PPP1R42: variants seen among roughly 807,000 people sequenced by gnomAD.
PPP1R42 encodes the protein protein phosphatase 1 regulatory subunit 42, also known as leucine rich repeat containing 67.
PPP1R42 carries 34 observed loss-of-function variants against 31.0 expected under a neutral mutation model. That is an observed-to-expected ratio of 1.10 (90% CI 0.83 to 1.46). PPP1R42 has a LOEUF of 1.46. PPP1R42 is among the 40% of genes most tolerant of loss of function. The probability of loss-of-function intolerance (pLI) is 0.00; values close to 1 mark genes in which losing one functional copy is unlikely to be tolerated. For missense variants in PPP1R42, 268 were observed against 303.0 expected (o/e 0.88, Z 0.86); for synonymous variants, 103 against 109.8 (o/e 0.94, Z 0.39).
At chr8:66,990,841 C>T (rs2130934912) in intron 5 of PPP1R42, among the ~76,000 whole-genome samples, 1 of 152,252 alleles carries the variant, frequency 6.6e-6, no homozygotes, top group South Asian at 2.1e-4. Flanking sequence ...TTGTTCCTGA[C>T]TCAACTGTGC....
chr8:66,984,186 AG>A, intron 6 of PPP1R42: 1 of 1,580,186 alleles, frequency 6.3e-7, no homozygotes, highest in South Asian at 1.1e-5. Context: ...AGTAATGTTC[AG>A]CCCCATGCTT....
At chr8:66,973,639 C>G (rs1312107223) in intron 7 of PPP1R42, among the ~76,000 whole-genome samples, 1 of 151,584 alleles carries the variant, frequency 6.6e-6, no homozygotes, top group Non-Finnish European at 1.5e-5. Context: ...TTTAAATGTA[C>G]AATACATTAT....
At chr8:67,018,411 C>G (rs1467303226) in intron 1 of PPP1R42, among the ~76,000 whole-genome samples, 2 of 152,058 alleles carry the variant, frequency 1.3e-5, no homozygotes, top group Non-Finnish European at 2.9e-5. Context: ...AGCCACCGCG[C>G]CCGACCTCTT....
intron 7 of PPP1R42, chr8:66,970,738 A>T (rs754014687): frequency 3.0e-5 from 15 of 494,906 alleles, no homozygotes; most frequent in Non-Finnish European, 5.5e-5. Flanking sequence ...ACCTTACCTC[A>T]GTGGGTGTAT....
At chr8:67,003,120 C>T (rs1257290117) in intron 5 of PPP1R42, among the ~76,000 whole-genome samples, 1 of 144,888 alleles carries the variant, frequency 6.9e-6, no homozygotes, top group African/African-American at 2.6e-5. Flanking sequence ...GAGCTGAGAT[C>T]GCACCATTGC....
chr8:66,979,727 T>C (rs1375324646), intron 7 of PPP1R42, among the ~76,000 whole-genome samples: 2 of 152,058 alleles, frequency 1.3e-5, no homozygotes, highest in South Asian at 2.1e-4. Flanking sequence ...CATTTTAGGA[T>C]TTTTTTTCTA....
intron 7 of PPP1R42, among the ~76,000 whole-genome samples, chr8:66,980,968 G>A (rs1389355608): frequency 3.3e-5 from 5 of 150,870 alleles, no homozygotes; most frequent in African/African-American, 4.9e-5. Flanking sequence ...TCAGCCTCCC[G>A]AGTAGCTGGG....
intron 7 of PPP1R42, chr8:66,968,605 G>T: frequency 2.6e-6 from 1 of 384,192 alleles, no homozygotes; most frequent in South Asian, 1.1e-4. Context: ...TGAGTATTTT[G>T]TTTTTAACAC....
intron 6 of PPP1R42, chr8:66,986,038 C>T: frequency 1.3e-6 from 1 of 748,056 alleles, no homozygotes; most frequent in Non-Finnish European, 2.5e-6. Flanking sequence ...AGTTTGTCCA[C>T]AAATCGGGGA....
At chr8:67,020,665 T>C (rs545826080) in intron 1 of PPP1R42, among the ~76,000 whole-genome samples, 1 of 152,266 alleles carries the variant, frequency 6.6e-6, no homozygotes, top group South Asian at 2.1e-4. Flanking sequence ...CATTATAGAG[T>C]GTTCTGCACA....
intron 5 of PPP1R42, among the ~76,000 whole-genome samples, chr8:67,001,042 A>G (rs1250143080): frequency 1.3e-5 from 2 of 152,088 alleles, no homozygotes; most frequent in African/African-American, 2.4e-5. Context: ...ACTTTTTATC[A>G]TTATAAATTT....
Position 66,985,197 on chromosome 8 carries a change from C to T in PPP1R42, c.671-3017G>A. The T allele has an allele frequency of 1.2e-5, 14 of 1,129,542 alleles. No individual in the cohort carries two copies. In the South Asian group the frequency reaches 1.5e-4, roughly 12 times the overall value. The allele number at this position is 1,129,542 out of a possible 1,614,324, so 70.0% of individuals were successfully genotyped here. ...GAAGCTTCTCCAGTTGAGCCTTTGT[C>T]CTTAATCGCTGAGCAGTCTTCTCAA... On this transcript the variant is annotated intron_variant, in intron 6 of 7. Coordinates refer to ENST00000685739, the MANE Select transcript of PPP1R42 (RefSeq NM_001364910.1).
Position 67,017,675 on chromosome 8 carries a change from G to A in PPP1R42, c.73C>T (p.Gln25Ter). 2 of 1,601,686 alleles carry A rather than the reference G, an allele frequency of 1.2e-6. No individual in the cohort carries two copies. The highest frequency in any genetic ancestry group is 2.3e-5 in the South Asian group (2 of 87,630). ...LKPRKEETIS[Q>*]CLKKITHINF... ...ATATGAGTTATTTTCTTCAGGCACTGTGAAATGGTTTCTTCTTTTCGGGGT... is the reference window on the plus strand; with the variant it reads ...ATATGAGTTATTTTCTTCAGGCACTATGAAATGGTTTCTTCTTTTCGGGGT... Residue 25 changes from glutamine to a stop codon, truncating the protein, a stop_gained, in exon 2 of 8, where the codon CAG becomes TAG. Coordinates refer to ENST00000685739, the MANE Select transcript of PPP1R42 (RefSeq NM_001364910.1). LOFTEE classifies it high-confidence loss of function.
At chr8:67,022,278 C>T (rs1049923551) in intron 1 of PPP1R42, among the ~76,000 whole-genome samples, 2 of 152,086 alleles carry the variant, frequency 1.3e-5, no homozygotes, top group Non-Finnish European at 2.9e-5. Flanking sequence ...AGAGTATTTT[C>T]CTGATTATTG....
At chr8:67,014,128 A>G (rs1017984474) in intron 3 of PPP1R42, among the ~76,000 whole-genome samples, 4 of 152,188 alleles carry the variant, frequency 2.6e-5, no homozygotes, top group Admixed American at 1.3e-4. Context: ...ACTTAAGACA[A>G]CCCTTCCCCA....
At chr8:67,007,884 C>CTTT (rs1157477422) in intron 5 of PPP1R42, among the ~76,000 whole-genome samples, 19 of 133,118 alleles carry the variant, frequency 1.4e-4, no homozygotes, top group East Asian at 4.3e-4. Flanking sequence ...GTAACTGTTC[C>CTTT]TTTTTTTTTT....
At chr8:67,013,970 C>G (rs1324703856) in intron 3 of PPP1R42, among the ~76,000 whole-genome samples, 1 of 152,138 alleles carries the variant, frequency 6.6e-6, no homozygotes, top group African/African-American at 2.4e-5. Flanking sequence ...TGCCTTTTTA[C>G]AATCAAGTTT....
At chr8:66,980,806 C>T (rs770180342) in intron 7 of PPP1R42, among the ~76,000 whole-genome samples, 2 of 152,024 alleles carry the variant, frequency 1.3e-5, no homozygotes, top group Non-Finnish European at 2.9e-5. Flanking sequence ...GGAAGGGGCT[C>T]ATTGCAATGT....
rs554420181 is a variant in PPP1R42 at position 67,014,902 on chromosome 8, A to T, written c.130-310T>A. 5.3e-5 allele frequency among the ~76,000 whole-genome samples: 8 copies of T among 152,340 alleles called. No homozygotes were observed. In the East Asian group the frequency reaches 1.5e-3, roughly 29 times the overall value. On this transcript the variant is annotated intron_variant, in intron 2 of 7. Transcript: ENST00000685739. ...CTCTGGAAGTTGGAGCATTGAATAA[A>T]TTATTGTCTCAACATTATAAATAGG...
Sources: gnomAD v4.1 joint callset for allele counts (sites outside exome capture counted in the v4.1 genomes callset) on GRCh38, gnomAD v4.1.1 for gene constraint, MANE v1.5 for transcripts, NCBI Gene and HGNC (gene_info 2026-07-23, HGNC 2026-07-21) for gene names.